Variants in BID observed in about 807,000 individuals in gnomAD.
BID encodes BH3 interacting domain death agonist, also known as BH3-interacting domain death agonist.
BID carries 19 observed loss-of-function variants against 17.4 expected under a neutral mutation model. That is an observed-to-expected ratio of 1.09 (90% CI 0.76 to 1.60). The LOEUF (loss-of-function observed/expected upper bound fraction) is 1.60. Ranked by LOEUF, BID falls within the 40% of genes most tolerant of loss-of-function variation. The pLI, the probability that BID is intolerant of heterozygous loss-of-function variation, is 0.00. For synonymous variants in BID, 108 were observed against 102.8 expected (o/e 1.05, Z -0.31); for missense variants, 226 against 256.0 (o/e 0.88, Z 0.80).
chr22:17,762,634 T>A (rs2061648521), intron 1 of BID, among the ~76,000 whole-genome samples: 2 of 151,870 alleles, frequency 1.3e-5, no homozygotes, highest in Admixed American at 1.3e-4. Context: ...CACTACAGCC[T>A]CAAACTCCTG....
chr22:17,763,207 A>G (rs5747349), intron 1 of BID, among the ~76,000 whole-genome samples: 84,570 of 151,392 alleles, frequency 0.56, 25,567 homozygotes, highest in East Asian at 0.79. Flanking sequence ...AAATAAAAGC[A>G]TTTACATAGC....
At chr22:17,757,794 A>G (rs2061605199) in intron 1 of BID, among the ~76,000 whole-genome samples, 1 of 152,086 alleles carries the variant, frequency 6.6e-6, no homozygotes, top group African/African-American at 2.4e-5. Flanking sequence ...CCCAAAGGTG[A>G]GGCGAGGGTG....
At chr22:17,760,433 C>A (rs2061629078) in intron 1 of BID, among the ~76,000 whole-genome samples, 2 of 97,934 alleles carry the variant, frequency 2.0e-5, no homozygotes, top group African/African-American at 8.6e-5. Flanking sequence ...GCCTGGGTAA[C>A]AGAGCAAGAC....
intron 1 of BID, among the ~76,000 whole-genome samples, chr22:17,755,999 C>G (rs1389658141): frequency 6.6e-6 from 1 of 151,906 alleles, no homozygotes. Flanking sequence ...TCCTGAGTAG[C>G]TAGGATTACA....
chr22:17,739,831 A>G (rs1465272255), intron 3 of BID: 5 of 594,376 alleles, frequency 8.4e-6, no homozygotes, highest in Admixed American at 3.0e-5. Context: ...ACAACCCAAC[A>G]GGGTTGGCCT....
intron 1 of BID, among the ~76,000 whole-genome samples, chr22:17,751,556 T>A (rs1275845972): frequency 1.3e-5 from 2 of 152,124 alleles, no homozygotes; most frequent in African/African-American, 4.8e-5. Flanking sequence ...ATTGGCAATT[T>A]CACATGGTTC....
chr22:17,736,237 G>A (rs2061418483), intron 5 of BID, among the ~76,000 whole-genome samples: 1 of 152,068 alleles, frequency 6.6e-6, no homozygotes, highest in African/African-American at 2.4e-5. Context: ...GAGGTGGGCG[G>A]ATCACCTGAG....
chr22:17,744,888 G>C (rs1046007044), intron 2 of BID, among the ~76,000 whole-genome samples: 6 of 152,202 alleles, frequency 3.9e-5, no homozygotes, highest in East Asian at 1.9e-4. Flanking sequence ...GCTGAGATCT[G>C]CGCAGATTCA....
intron 1 of BID, among the ~76,000 whole-genome samples, chr22:17,762,537 A>T (rs1236763222): frequency 6.6e-6 from 1 of 151,990 alleles, no homozygotes; most frequent in Non-Finnish European, 1.5e-5. Flanking sequence ...AATTTCACAA[A>T]TTTCAAATGA....
rs370960040 is a variant in BID at position 17,758,840 on chromosome 22, CT to C, written c.-58-8667del. Among the ~76,000 whole-genome samples the C allele has an allele frequency of 1.5e-3, 227 of 152,312 alleles. 1 individual carries two copies. In the South Asian group the frequency reaches 0.017, roughly 12 times the overall value. On this transcript the variant is annotated intron_variant, in intron 1 of 5. Transcript: ENST00000622694. ...TGGTAATGGTTGCACGACAATGAGA[CT>C]GTACTGAATGCCACTGAACTGTACG...
intron 3 of BID, chr22:17,740,042 C>A (rs765798258): frequency 7.5e-6 from 12 of 1,595,050 alleles, no homozygotes; most frequent in Non-Finnish European, 9.4e-6. Flanking sequence ...CAGTCCTCCT[C>A]CTCTGGCGCA....
intron 1 of BID, among the ~76,000 whole-genome samples, chr22:17,771,950 A>G (rs998996000): frequency 6.6e-6 from 1 of 152,178 alleles, no homozygotes; most frequent in Admixed American, 6.5e-5. Flanking sequence ...CCTTACCCCC[A>G]GTGGCCTAAC....
rs761042336 is a variant in BID at position 17,739,432 on chromosome 22, C to T, written c.280G>A (p.Gly94Arg). Residue 94 changes from glycine (G) to arginine (R), a missense_variant, in exon 4 of 6, where the codon GGG becomes AGG. Transcript: ENST00000622694. ...GGGATGCTACGGTCCATGCTGTCCC[C>T]GACCTGGGCGAGGTGCCTGGCAATA... Reference protein sequence around the residue: ...RNIARHLAQVGDSMDRSIPPG... With the variant: ...RNIARHLAQVRDSMDRSIPPG... The T allele has an allele frequency of 2.5e-6, 4 of 1,612,476 alleles. No homozygotes were observed. The South Asian group carries it at 3.3e-5, about 13-fold the overall frequency.
intron 1 of BID, among the ~76,000 whole-genome samples, chr22:17,760,124 A>G (rs2061625763): frequency 8.5e-6 from 1 of 117,690 alleles, no homozygotes; most frequent in Admixed American, 1.1e-4. Flanking sequence ...ACAGAGTGAG[A>G]CTCCATCTCA....
At chr22:17,736,395 T>TC in intron 5 of BID, among the ~76,000 whole-genome samples, 1 of 149,378 alleles carries the variant, frequency 6.7e-6, no homozygotes, top group Admixed American at 6.7e-5. Context: ...AGGCAGAGGT[T>TC]GTGGTGAGCT....
chr22:17,746,584 G>A (rs1021954736), intron 2 of BID, among the ~76,000 whole-genome samples: 1 of 152,170 alleles, frequency 6.6e-6, no homozygotes, highest in African/African-American at 2.4e-5. Context: ...AAAGAAAAGC[G>A]CAAGTCCTAA....
chr22:17,744,479 C>T (rs1454147747), intron 2 of BID, among the ~76,000 whole-genome samples: 1 of 152,256 alleles, frequency 6.6e-6, no homozygotes, highest in African/African-American at 2.4e-5. Context: ...CCGCTCATCT[C>T]CTTCACGGGC....
chr22:17,740,336 G>A, intron 3 of BID: 1 of 664,444 alleles, frequency 1.5e-6, no homozygotes. Context: ...TGCTTTGGGA[G>A]GCTGAGGACA....
chr22:17,751,142 G>A (rs961205647), intron 1 of BID, among the ~76,000 whole-genome samples: 1 of 152,064 alleles, frequency 6.6e-6, no homozygotes. Context: ...GGAGGCCGAG[G>A]CGGGTGGATC....
Sources: gnomAD v4.1 joint callset for allele counts (sites outside exome capture counted in the v4.1 genomes callset) on GRCh38, gnomAD v4.1.1 for gene constraint, MANE v1.5 for transcripts, NCBI Gene and HGNC (gene_info 2026-07-23, HGNC 2026-07-21) for gene names.